The following KLRG1 variants were observed in gnomAD, a reference collection of about 807,000 sequenced individuals.
KLRG1 encodes killer cell lectin-like receptor subfamily G member 1.
A neutral mutation model predicts 21.8 loss-of-function variants in KLRG1; 16 were observed. The ratio of observed to expected loss-of-function variants is 0.73; its 90% CI spans 0.50 to 1.11. The LOEUF (loss-of-function observed/expected upper bound fraction) is 1.11. Among genes scored for constraint, KLRG1 ranks in the 50% most tolerant of loss-of-function variants. The pLI is 0.00. For synonymous variants in KLRG1, 69 were observed against 75.9 expected (o/e 0.91, Z 0.47); for missense variants, 173 against 218.3 (o/e 0.79, Z 1.31).
chr12:9,179,441 T>A, the KLRG1 span, among the ~76,000 whole-genome samples: 1 of 152,190 alleles, frequency 6.6e-6, no homozygotes, highest in Non-Finnish European at 1.5e-5. Context: ...ATGCCAAGTG[T>A]CACCCCCATG....
chr12:8,983,948 A>C (rs1278244495), intron 1 of KLRG1, among the ~76,000 whole-genome samples: 1 of 151,908 alleles, frequency 6.6e-6, no homozygotes, highest in Non-Finnish European at 1.5e-5. Flanking sequence ...TTGTATCCCA[A>C]ATTTGGGGAA....
chr12:9,088,921 T>C, the KLRG1 span, among the ~76,000 whole-genome samples: 1 of 152,220 alleles, frequency 6.6e-6, no homozygotes, highest in Admixed American at 6.5e-5. Flanking sequence ...TAATTTTGAT[T>C]CTACCCACTT....
the KLRG1 span, among the ~76,000 whole-genome samples, chr12:9,054,172 C>T: frequency 2.4e-3 from 365 of 152,286 alleles, 1 homozygote; most frequent in Non-Finnish European, 4.2e-3. Context: ...TGCTGTCACT[C>T]AGTGATTCAC....
At chr12:9,144,955 A>C in the KLRG1 span, among the ~76,000 whole-genome samples, 1 of 152,230 alleles carries the variant, frequency 6.6e-6, no homozygotes, top group South Asian at 2.1e-4. Flanking sequence ...TTAAAATGCC[A>C]GTGCTTGTCC....
At chr12:8,955,212 C>T (rs979052223) in intron 1 of KLRG1, among the ~76,000 whole-genome samples, 7 of 151,794 alleles carry the variant, frequency 4.6e-5, no homozygotes, top group East Asian at 3.9e-4. Context: ...TGCACCTGGC[C>T]GAAATATACA....
At chr12:8,965,600 GA>G in intron 1 of KLRG1, among the ~76,000 whole-genome samples, 1 of 152,012 alleles carries the variant, frequency 6.6e-6, no homozygotes, top group Non-Finnish European at 1.5e-5. Flanking sequence ...GCTTCAAAGA[GA>G]ATAAAATACC....
chr12:9,188,532 G>T, the KLRG1 span, among the ~76,000 whole-genome samples: 1 of 152,134 alleles, frequency 6.6e-6, no homozygotes, highest in African/African-American at 2.4e-5. Flanking sequence ...GAACAATCGG[G>T]CAAGACAAAG....
the KLRG1 span, chr12:9,196,722 A>T: frequency 6.7e-7 from 1 of 1,485,162 alleles, no homozygotes; most frequent in South Asian, 1.1e-5. Context: ...TGTCAAACTG[A>T]TTGAGATCAA....
the KLRG1 span, chr12:9,208,272 T>G: frequency 6.2e-7 from 1 of 1,613,134 alleles, no homozygotes; most frequent in East Asian, 2.2e-5. Flanking sequence ...TCTGTAGAGT[T>G]TGAGTCACTG....
chr12:8,952,927 T>G (rs1383088533), intron 1 of KLRG1, among the ~76,000 whole-genome samples: 1 of 152,218 alleles, frequency 6.6e-6, no homozygotes, highest in African/African-American at 2.4e-5. Context: ...CTTTGAAATT[T>G]TGATAGGTAC....
At chr12:9,175,908 C>G in the KLRG1 span, among the ~76,000 whole-genome samples, 5 of 152,154 alleles carry the variant, frequency 3.3e-5, no homozygotes, top group African/African-American at 1.2e-4. Context: ...GGTGATTCCT[C>G]AAAGACCCAG....
the KLRG1 span, chr12:9,112,020 A>G: frequency 3.6e-6 from 3 of 841,804 alleles, no homozygotes; most frequent in South Asian, 4.0e-5. Context: ...TTAGATTAGG[A>G]TCTTGTGCTG....
At chr12:9,028,134 TGTC>T in the KLRG1 span, 3 of 752,124 alleles carry the variant, frequency 4.0e-6, no homozygotes, top group Non-Finnish European at 2.2e-6. Flanking sequence ...TGTTCTTCAG[TGTC>T]GTCGTCTTCT....
chr12:9,075,556 TA>T, the KLRG1 span, among the ~76,000 whole-genome samples: 3 of 152,334 alleles, frequency 2.0e-5, no homozygotes, highest in African/African-American at 4.8e-5. Flanking sequence ...CATACTTGTA[TA>T]GGGGTCTTCA....
chr12:8,982,549 G>A (rs2137293827), intron 1 of KLRG1, among the ~76,000 whole-genome samples: 1 of 151,852 alleles, frequency 6.6e-6, no homozygotes, highest in South Asian at 2.1e-4. Context: ...ACTGTAATGT[G>A]TATATTGGTT....
At chr12:9,202,458 T>C in the KLRG1 span, 103 of 1,612,346 alleles carry the variant, frequency 6.4e-5, no homozygotes, top group Non-Finnish European at 8.5e-5. Context: ...GCTAGGATAA[T>C]GGAGACTTTG....
At chr12:8,964,850 G>A (rs1319858425) in intron 1 of KLRG1, among the ~76,000 whole-genome samples, 2 of 151,152 alleles carry the variant, frequency 1.3e-5, no homozygotes, top group African/African-American at 4.9e-5. Flanking sequence ...CAGAGACTAG[G>A]ATTGCAACCC....
intron 1 of KLRG1, among the ~76,000 whole-genome samples, chr12:8,953,292 G>A (rs1946236631): frequency 6.6e-6 from 1 of 152,228 alleles, no homozygotes; most frequent in East Asian, 1.9e-4. Context: ...CTCACCCAAT[G>A]TGGCTAGGTC....
chr12:9,078,730 GC>G, the KLRG1 span, among the ~76,000 whole-genome samples: 3 of 152,146 alleles, frequency 2.0e-5, no homozygotes, highest in African/African-American at 7.2e-5. Context: ...ATTTCCTTCT[GC>G]AGATGACAGA....
Sources: allele counts gnomAD v4.1 joint callset (sites outside exome capture counted in the v4.1 genomes callset), GRCh38; gene constraint gnomAD v4.1.1; transcripts MANE v1.5; gene names NCBI Gene and HGNC (gene_info 2026-07-23, HGNC 2026-07-21).